The following PLEKHD1 variants were observed in gnomAD, a reference collection of about 807,000 sequenced individuals.
The protein encoded by PLEKHD1 is pleckstrin homology and coiled-coil domain containing D1, also known as pleckstrin homology domain-containing family D member 1.
Under a neutral mutation model 69.2 loss-of-function variants are expected in PLEKHD1, and 51 were observed. That is an observed-to-expected ratio of 0.74 (90% confidence interval 0.59 to 0.93). The LOEUF (loss-of-function observed/expected upper bound fraction) is 0.93, where lower values mean the gene tolerates loss of function less well. PLEKHD1 is among the 40% of genes least tolerant of loss of function. The probability of loss-of-function intolerance (pLI) is 0.00; values close to 1 mark genes in which losing one functional copy is unlikely to be tolerated. For missense variants in PLEKHD1, 584 were observed against 641.0 expected, an observed-to-expected ratio of 0.91 and a Z score of 0.96; for synonymous variants, 236 against 244.7, an observed-to-expected ratio of 0.96 and a Z score of 0.33.
the PLEKHD1 span, among the ~76,000 whole-genome samples, chr14:69,478,874 C>T: frequency 1.3e-5 from 2 of 152,204 alleles, no homozygotes; most frequent in African/African-American, 4.8e-5. Flanking sequence ...TCCAAAGTCA[C>T]TTCCACATTT....
At chr14:69,525,528 G>T (rs994774489) in intron 8 of PLEKHD1, among the ~76,000 whole-genome samples, 1 of 152,124 alleles carries the variant, frequency 6.6e-6, no homozygotes, top group Non-Finnish European at 1.5e-5. Flanking sequence ...TGTTGCCAAG[G>T]CTGGGATGCA....
At chr14:69,496,974 C>T (rs1192622575) in intron 1 of PLEKHD1, among the ~76,000 whole-genome samples, 3 of 152,100 alleles carry the variant, frequency 2.0e-5, no homozygotes, top group Non-Finnish European at 4.4e-5. Flanking sequence ...GGGGTTAGGG[C>T]TTGAACATAT....
chr14:69,476,827 C>T, the PLEKHD1 span, among the ~76,000 whole-genome samples: 7 of 152,174 alleles, frequency 4.6e-5, no homozygotes, highest in Admixed American at 6.5e-5. Context: ...TTTCACGCTG[C>T]TGATAAAGCC....
In PLEKHD1 at chr14:69,492,286, A is replaced by G. The variant is rs146371910; in HGVS notation, c.149+7172A>G. On this transcript the variant is annotated intron_variant, in intron 1 of 12. Coordinates refer to ENST00000322564, the MANE Select transcript of PLEKHD1 (RefSeq NM_001161498.2). ...ACTTCCATTTCCTTCCAAATTCCCA[A>G]GATACTCCTATTCATTCTTCAAAGC... is the stretch of plus-strand genomic sequence containing the variant. Among the ~76,000 whole-genome samples, 1,457 of 152,214 alleles carry G rather than the reference A, an allele frequency of 9.6e-3. 24 individuals are homozygous for G. The highest frequency in any genetic ancestry group is 0.033 in the African/African-American group (1,379 of 41,516).
intron 1 of PLEKHD1, among the ~76,000 whole-genome samples, chr14:69,495,717 G>A (rs1316986961): frequency 1.3e-5 from 2 of 152,180 alleles, no homozygotes; most frequent in Non-Finnish European, 2.9e-5. Flanking sequence ...CTGCCTCAGG[G>A]CCTTTGCACC....
At chr14:69,499,169 G>A (rs1566557554) in intron 1 of PLEKHD1, among the ~76,000 whole-genome samples, 1 of 151,922 alleles carries the variant, frequency 6.6e-6, no homozygotes, top group Non-Finnish European at 1.5e-5. Flanking sequence ...GCTCTTATGA[G>A]CCCATCTGAG....
chr14:69,527,322 C>A lies in PLEKHD1; in HGVS notation c.1191C>A (p.Ser397Arg). 1 of 1,551,712 alleles carries A rather than the reference C, an allele frequency of 6.4e-7. No individual in the cohort carries two copies. The highest frequency in any genetic ancestry group is 8.7e-7 in the Non-Finnish European group (1 of 1,147,000). The change falls in exon 11 of 13, where the codon AGC (serine) becomes AGA (arginine). Residue 397 changes from serine to arginine, a missense_variant. Physicochemically the swap from Ser to Arg is moderately radical, Grantham distance 110. Transcript: ENST00000322564. The part of the protein sequence containing the change: ...EKEERMRADV[S>R]HLKRFFEECI... ...AGGAGAGGATGCGGGCTGATGTGAG[C>A]CATCTGAAAAGTAAGCCCTGCCTCT...
At chr14:69,474,095 A>T in the PLEKHD1 span, among the ~76,000 whole-genome samples, 4 of 152,262 alleles carry the variant, frequency 2.6e-5, no homozygotes, top group Admixed American at 2.6e-4. Flanking sequence ...CCACCCACTC[A>T]TCAAGGAAAT....
At chr14:69,521,905 C>G (rs1019235907) in intron 6 of PLEKHD1, among the ~76,000 whole-genome samples, 1 of 152,184 alleles carries the variant, frequency 6.6e-6, no homozygotes, top group Non-Finnish European at 1.5e-5. Context: ...AATACACACT[C>G]ACCACTCTTT....
At chr14:69,476,065 C>A in the PLEKHD1 span, among the ~76,000 whole-genome samples, 1,093 of 152,144 alleles carry the variant, frequency 7.2e-3, 5 homozygotes, top group Non-Finnish European at 9.6e-3. Flanking sequence ...CGAGACCAGC[C>A]TGGCCAACAT....
At chr14:69,468,767 G>A in the PLEKHD1 span, among the ~76,000 whole-genome samples, 2 of 152,102 alleles carry the variant, frequency 1.3e-5, no homozygotes, top group Non-Finnish European at 2.9e-5. Context: ...TTTTTGTAGA[G>A]ATGGAGTCTC....
chr14:69,502,188 A>T (rs1883043831), intron 5 of PLEKHD1: 2 of 195,252 alleles, frequency 1.0e-5, no homozygotes, highest in South Asian at 2.1e-4. Context: ...AAATGAGACA[A>T]TGTCTGTAAG....
Position 69,522,289 on chromosome 14 carries a change from G to T in PLEKHD1, c.562G>T (p.Glu188Ter). 6.4e-7 allele frequency: 1 copy of T among 1,551,378 alleles called. No homozygotes were observed. The highest frequency in any genetic ancestry group is 8.7e-7 in the Non-Finnish European group (1 of 1,146,842). Residue 188 changes from glutamate to a stop codon, truncating the protein, a stop_gained, in exon 7 of 13, where the codon GAG (glutamate) becomes TAG (stop). Transcript: ENST00000322564. LOFTEE classifies it high-confidence loss of function. ...CLQREQREELERLNQVLEAEK... is the reference protein window; with the variant it reads ...CLQREQREEL ...TCCTCTCTGGTCTCTTCAGGAGCTT[G>T]AGCGCCTTAACCAGGTGCTGGAGGC...
chr14:69,494,159 C>A (rs1652573772), intron 1 of PLEKHD1, among the ~76,000 whole-genome samples: 1 of 152,182 alleles, frequency 6.6e-6, no homozygotes. Flanking sequence ...ATATTTACCA[C>A]CATGTTCTAA....
chr14:69,491,535 A>C (rs1429932132), intron 1 of PLEKHD1, among the ~76,000 whole-genome samples: 1 of 152,176 alleles, frequency 6.6e-6, no homozygotes, highest in Non-Finnish European at 1.5e-5. Context: ...AGCCCTTTCT[A>C]GCTCCTACTC....
chr14:69,528,506 T>C lies in PLEKHD1; in HGVS notation c.*87T>C. On this transcript the variant is annotated 3_prime_UTR_variant, in exon 13 of 13. Coordinates refer to ENST00000322564, the MANE Select transcript of PLEKHD1 (RefSeq NM_001161498.2). ...CAGAGGGAGGCCTCACTCTACCAGCTCCTGGCCTCTCTGGTCTGGAGCCTA... is the reference window on the plus strand; with the variant it reads ...CAGAGGGAGGCCTCACTCTACCAGCCCCTGGCCTCTCTGGTCTGGAGCCTA... 6.9e-7 allele frequency: 1 copy of C among 1,449,384 alleles called. No individual in the cohort carries two copies. Among genetic ancestry groups the C allele is most frequent in the Non-Finnish European group, 9.2e-7 (1 of 1,088,042 alleles). The allele number at this position is 1,449,384 out of a possible 1,614,324, so 89.8% of individuals were successfully genotyped here.
At chr14:69,503,529 A>T (rs998159642) in intron 6 of PLEKHD1, 3 of 152,652 alleles carry the variant, frequency 2.0e-5, no homozygotes, top group African/African-American at 7.2e-5. Context: ...CGTCTCTACT[A>T]AAAATACAAA....
intron 8 of PLEKHD1, 118 bp from the exon 9 acceptor site, chr14:69,525,826 C>A: frequency 2.1e-6 from 2 of 934,254 alleles, no homozygotes; most frequent in Non-Finnish European, 3.2e-6. Context: ...GACATTTCAG[C>A]GGCCATAGAG....
At chr14:69,473,959 G>A in the PLEKHD1 span, among the ~76,000 whole-genome samples, 1 of 152,156 alleles carries the variant, frequency 6.6e-6, no homozygotes, top group Non-Finnish European at 1.5e-5. Context: ...CTGGGCTAGG[G>A]GCAGAGGGTG....
Sources: allele counts gnomAD v4.1 joint callset (sites outside exome capture counted in the v4.1 genomes callset), GRCh38; gene constraint gnomAD v4.1.1; transcripts MANE v1.5; gene names NCBI Gene and HGNC (gene_info 2026-07-23, HGNC 2026-07-21).